Variants in DOCK4 observed in about 807,000 individuals in gnomAD.
DOCK4 encodes dedicator of cytokinesis 4.
Under a neutral mutation model 268.1 loss-of-function variants are expected in DOCK4, and 97 were observed. The observed-to-expected ratio is 0.36, with a 90% confidence interval of 0.31 to 0.43. DOCK4 has a LOEUF of 0.43. DOCK4 is among the 20% of genes least tolerant of loss of function. DOCK4 has a pLI of 1.00. For synonymous variants in DOCK4, 954 were observed against 887.2 expected (o/e 1.08, Z -1.34); for missense variants, 2,145 against 2,455.7 (o/e 0.87, Z 2.67).
chr7:111,815,732 T>A (rs955127667), intron 27 of DOCK4, among the ~76,000 whole-genome samples: 2 of 148,170 alleles, frequency 1.3e-5, no homozygotes, highest in African/African-American at 5.0e-5. Context: ...AGTGCAGTGG[T>A]GTGATCTCTG....
chr7:111,936,543 T>G (rs2134728138), intron 11 of DOCK4, among the ~76,000 whole-genome samples: 1 of 151,662 alleles, frequency 6.6e-6, no homozygotes, highest in Non-Finnish European at 1.5e-5. Context: ...GATGGATGGA[T>G]GTCCCTCTGC....
intron 1 of DOCK4, among the ~76,000 whole-genome samples, chr7:112,064,217 G>C (rs1476097566): frequency 1.3e-5 from 2 of 152,196 alleles, no homozygotes; most frequent in Non-Finnish European, 2.9e-5. Context: ...TCTCTTGTCA[G>C]ACTAATCCTG....
At chr7:112,028,072 G>C (rs1284526388) in intron 1 of DOCK4, among the ~76,000 whole-genome samples, 1 of 152,146 alleles carries the variant, frequency 6.6e-6, no homozygotes, top group Non-Finnish European at 1.5e-5. Flanking sequence ...TTTAAATGAC[G>C]AAAAGGATAG....
chr7:111,864,285 A>T (rs898528438), intron 22 of DOCK4, among the ~76,000 whole-genome samples: 1 of 152,110 alleles, frequency 6.6e-6, no homozygotes, highest in Non-Finnish European at 1.5e-5. Flanking sequence ...ATGGGGAAAA[A>T]AGATGCTCAC....
intron 1 of DOCK4, among the ~76,000 whole-genome samples, chr7:112,173,949 A>G (rs992569090): frequency 5.9e-5 from 9 of 152,126 alleles, no homozygotes; most frequent in African/African-American, 1.4e-4. Flanking sequence ...GTGACCCACA[A>G]GGAGGGCTCA....
intron 1 of DOCK4, among the ~76,000 whole-genome samples, chr7:112,055,990 A>AG (rs1805781784): frequency 6.6e-6 from 1 of 152,134 alleles, no homozygotes; most frequent in African/African-American, 2.4e-5. Flanking sequence ...ATAAAAACAA[A>AG]GGGCTAGCAA....
At position 111,730,209 on chromosome 7, in the gene DOCK4, G is replaced by A. The variant is rs78811106; in HGVS notation, c.5482-1489C>T. The stretch of plus-strand genomic sequence containing the variant: ...TAAGATAGATGCTCTGTGAAAAGAG[G>A]GTTCCGCTGGGAAATGCTGCACACT... On this transcript the variant is annotated intron_variant, in intron 52 of 52. Coordinates refer to ENST00000428084, the MANE Select transcript of DOCK4 (RefSeq NM_001363540.2). Among the ~76,000 whole-genome samples, 730 of 152,230 alleles carry A rather than the reference G, an allele frequency of 4.8e-3. 3 individuals are homozygous for A. Among genetic ancestry groups the A allele is most frequent in the Non-Finnish European group, 7.1e-3 (482 of 68,006 alleles).
intron 42 of DOCK4, among the ~76,000 whole-genome samples, chr7:111,750,381 G>T (rs1207271994): frequency 6.6e-6 from 1 of 152,178 alleles, no homozygotes. Context: ...CCCAGTCAAA[G>T]GATTTCTTTA....
chr7:111,975,343 C>G (rs1470231614), intron 8 of DOCK4, among the ~76,000 whole-genome samples: 1 of 152,124 alleles, frequency 6.6e-6, no homozygotes, highest in Non-Finnish European at 1.5e-5. Context: ...CTTTTACATT[C>G]CATATAGTTT....
intron 52 of DOCK4, among the ~76,000 whole-genome samples, chr7:111,729,067 G>C (rs569774482): frequency 6.6e-6 from 1 of 152,128 alleles, no homozygotes; most frequent in Non-Finnish European, 1.5e-5. Context: ...TGCCAGAATT[G>C]AGAAAATACA....
At chr7:112,181,639 C>CAAAAAAAAAAAAAAAAAAAAAAAAAAA in intron 1 of DOCK4, among the ~76,000 whole-genome samples, 1 of 65,370 alleles carries the variant, frequency 1.5e-5, no homozygotes, top group Non-Finnish European at 2.6e-5. Flanking sequence ...GACACTGTCT[C>CAAAAAAAAAAAAAAAAAAAAAAAAAAA]AAAAAAAAAA....
At chr7:111,960,454 G>A (rs1021571353) in intron 8 of DOCK4, among the ~76,000 whole-genome samples, 13 of 147,624 alleles carry the variant, frequency 8.8e-5, no homozygotes, top group African/African-American at 2.7e-4. Flanking sequence ...TTTGAAATAC[G>A]TATACATTGT....
At chr7:111,856,434 T>C (rs914401986) in intron 23 of DOCK4, among the ~76,000 whole-genome samples, 3 of 152,350 alleles carry the variant, frequency 2.0e-5, no homozygotes, top group African/African-American at 7.2e-5. Context: ...TTGCCCTGTC[T>C]AGAGACAGAT....
At chr7:112,133,735 A>G (rs891786173) in intron 1 of DOCK4, among the ~76,000 whole-genome samples, 2 of 152,200 alleles carry the variant, frequency 1.3e-5, no homozygotes, top group African/African-American at 2.4e-5. Flanking sequence ...AAATACGTAA[A>G]TAGAAAATTT....
In DOCK4 at chr7:112,018,180, A is replaced by ACC. The variant is rs1802019420; in HGVS notation, c.38-14050_38-14049insGG. On this transcript the variant is annotated intron_variant, in intron 1 of 52. Transcript: ENST00000428084. Reference sequence around the variant, plus strand: ...AAAAAAAAAAAAAAAAAAAAAAAAAACACAGGCAACCAGTATTCATGTGGC... The same window carrying ACC: ...AAAAAAAAAAAAAAAAAAAAAAAAAACCCACAGGCAACCAGTATTCATGTGGC... 5.8e-5 allele frequency among the ~76,000 whole-genome samples: 6 copies of ACC among 103,250 alleles called. 1 individual carries two copies. The highest frequency in any genetic ancestry group is 3.1e-4 in the Admixed American group (3 of 9,538). The allele number at this position is 103,250 out of a possible 152,430, so 67.7% of individuals were successfully genotyped here. A position where few individuals can be genotyped will look rare whatever the true frequency, so the allele number is the denominator to read the frequency against.
intron 27 of DOCK4, among the ~76,000 whole-genome samples, chr7:111,815,792 C>T (rs1801501917): frequency 6.6e-6 from 1 of 151,888 alleles, no homozygotes; most frequent in Admixed American, 6.6e-5. Flanking sequence ...TTGTCTCAGC[C>T]TCCCAAGTAG....
At chr7:112,011,562 C>T (rs774320489) in intron 1 of DOCK4, among the ~76,000 whole-genome samples, 1 of 151,378 alleles carries the variant, frequency 6.6e-6, no homozygotes, top group Non-Finnish European at 1.5e-5. Context: ...AAGAGGCAAA[C>T]AAGGAAGAGA....
At chr7:112,167,841 AT>A (rs1182685376) in intron 1 of DOCK4, among the ~76,000 whole-genome samples, 1 of 152,166 alleles carries the variant, frequency 6.6e-6, no homozygotes, top group Non-Finnish European at 1.5e-5. Context: ...TTATTATAAA[AT>A]TGAAGCTTCT....
intron 8 of DOCK4, among the ~76,000 whole-genome samples, chr7:111,948,101 C>T (rs1795763856): frequency 6.6e-6 from 1 of 152,068 alleles, no homozygotes; most frequent in Non-Finnish European, 1.5e-5. Context: ...ATACTTTAAC[C>T]ATATTATTAG....
Sources: gnomAD v4.1 joint callset for allele counts (sites outside exome capture counted in the v4.1 genomes callset) on GRCh38, gnomAD v4.1.1 for gene constraint, MANE v1.5 for transcripts, NCBI Gene and HGNC (gene_info 2026-07-23, HGNC 2026-07-21) for gene names.